PHRF1: variants seen among roughly 807,000 people sequenced by gnomAD.
PHRF1 encodes the protein PHD and RING finger domain-containing protein 1.
PHRF1 carries 53 observed loss-of-function variants against 128.9 expected under a neutral mutation model. The ratio of observed to expected loss-of-function variants is 0.41; its 90% confidence interval spans 0.33 to 0.52. The LOEUF is 0.52. Ranked by LOEUF, PHRF1 falls within the 20% of genes least tolerant of loss-of-function variation. The pLI, the probability that PHRF1 is intolerant of heterozygous loss-of-function variation, is 0.21. For missense variants in PHRF1, 2,503 were observed against 2,284.5 expected, an observed-to-expected ratio of 1.10 and a Z score of -1.95; for synonymous variants, 1,178 against 980.6, an observed-to-expected ratio of 1.20 and a Z score of -3.76.
chr11:582,937 G>C (rs1854294838), intron 3 of PHRF1, among the ~76,000 whole-genome samples: 1 of 151,920 alleles, frequency 6.6e-6, no homozygotes, highest in African/African-American at 2.4e-5. Flanking sequence ...GGAAGGCTGA[G>C]GCAGGAGAAT....
rs702966 is a variant in PHRF1 at position 611,919 on chromosome 11, C to G, written c.*142C>G. 0.16 allele frequency: 157,065 copies of G among 992,038 alleles called. 24,985 individuals are homozygous for G. Among genetic ancestry groups the G allele is most frequent in the African/African-American group, 0.49 (27,009 of 55,624 alleles). 61.5% of individuals were successfully genotyped at this position (992,038 alleles called of 1,614,324 possible). Reference sequence around the variant, plus strand: ...GAGTGGCGGGAAATGGGGGGCATCACCATGCCTGCCGTCGGGTTCCTGCGC... The same window carrying G: ...GAGTGGCGGGAAATGGGGGGCATCAGCATGCCTGCCGTCGGGTTCCTGCGC... On this transcript the variant is annotated 3_prime_UTR_variant, in exon 18 of 18. Coordinates refer to ENST00000264555, the MANE Select transcript of PHRF1 (RefSeq NM_001286581.2).
intron 10 of PHRF1, among the ~76,000 whole-genome samples, chr11:603,655 T>C (rs940506958): frequency 2.6e-5 from 4 of 151,304 alleles, no homozygotes; most frequent in Non-Finnish European, 2.9e-5. Flanking sequence ...GAATTTATAC[T>C]CAAGATTATT....
At chr11:593,160 C>G (rs758094281) in intron 6 of PHRF1, among the ~76,000 whole-genome samples, 5 of 152,250 alleles carry the variant, frequency 3.3e-5, no homozygotes, top group South Asian at 2.1e-4. Flanking sequence ...CCTGGCTTCC[C>G]GGGAGCCTGT....
chr11:598,643 A>G (rs1234055146), intron 9 of PHRF1, 141 bp downstream of exon 9: 3 of 1,323,590 alleles, frequency 2.3e-6, no homozygotes, highest in South Asian at 1.5e-5. Flanking sequence ...AACACTACAC[A>G]GAAGCCGCGC....
chr11:601,281 T>C (rs955628076), intron 9 of PHRF1, among the ~76,000 whole-genome samples: 9 of 151,868 alleles, frequency 5.9e-5, no homozygotes, highest in Admixed American at 5.9e-4. Context: ...TAAAAAAAAT[T>C]AGCTGGGCAC....
chr11:595,254 C>T (rs563898210), intron 6 of PHRF1, among the ~76,000 whole-genome samples: 48 of 152,050 alleles, frequency 3.2e-4, no homozygotes, highest in Non-Finnish European at 4.9e-4. Flanking sequence ...ACCTGGGAGG[C>T]GGAGGTTGCA....
intron 3 of PHRF1, among the ~76,000 whole-genome samples, chr11:585,075 T>A (rs1431868176): frequency 6.6e-6 from 1 of 152,142 alleles, no homozygotes; most frequent in South Asian, 2.1e-4. Flanking sequence ...AGCCAGTGGG[T>A]CCCTAACTGG....
intron 9 of PHRF1, 102 bp downstream of exon 9, chr11:598,604 C>G: frequency 6.9e-7 from 1 of 1,443,358 alleles, no homozygotes; most frequent in Non-Finnish European, 9.2e-7. Context: ...TCCATTTCTT[C>G]TTTCTGCAAG....
Position 597,538 on chromosome 11 carries a change from C to T in PHRF1, c.862C>T (p.Arg288Trp), listed in dbSNP as rs375244623. The T allele has an allele frequency of 3.1e-6, 5 of 1,611,974 alleles. No individual in the cohort carries two copies. The highest frequency in any genetic ancestry group is 2.2e-5 in the East Asian group (1 of 44,802). Residue 288 changes from arginine to tryptophan, a missense_variant, in exon 8 of 18, where the codon CGG becomes TGG. Arg to Trp is a moderately radical substitution (Grantham distance 101). Coordinates refer to ENST00000264555, the MANE Select transcript of PHRF1 (RefSeq NM_001286581.2). This position sits in a 1 kb window ranked among gnomAD's most constrained non-coding sequence, Gnocchi z 6.5. ...QSERVRATVN[R>W]NRISTARRVQ... ...TGAGAGAGTGAGAGCAACCGTGAAC[C>T]GGAACCGGATCTCCACGGCCAGGAG... is the stretch of plus-strand genomic sequence containing the variant.
At chr11:583,887 G>A (rs1754474640) in intron 3 of PHRF1, among the ~76,000 whole-genome samples, 1 of 152,186 alleles carries the variant, frequency 6.6e-6, no homozygotes, top group South Asian at 2.1e-4. Context: ...TCAGAGGGAG[G>A]CCGAGCTCAG....
chr11:605,865 G>T, intron 12 of PHRF1, 141 bp downstream of exon 12: 1 of 1,344,160 alleles, frequency 7.4e-7, no homozygotes, highest in Non-Finnish European at 9.8e-7. Flanking sequence ...ATGCTCATCA[G>T]TCGGCCCTTG....
At position 597,184 on chromosome 11, in the gene PHRF1, G is replaced by T. The variant is rs1173866416; in HGVS notation, c.718+164G>T. Among the ~76,000 whole-genome samples, 1 of 152,008 alleles carries T rather than the reference G, an allele frequency of 6.6e-6. No homozygotes were observed. The highest frequency in any genetic ancestry group is 1.5e-5 in the Non-Finnish European group (1 of 67,960). The stretch of plus-strand genomic sequence containing the variant: ...GGGAGGACATCTAGGGCTGTCTCGG[G>T]CTCGTCTTCTCGGGGATGTGTGTGG... On this transcript the variant is annotated intron_variant, in intron 7 of 17. Coordinates refer to ENST00000264555, the MANE Select transcript of PHRF1 (RefSeq NM_001286581.2). This position sits in a 1 kb window ranked among gnomAD's most constrained non-coding sequence, Gnocchi z 6.5.
At chr11:605,811 C>T (rs746821205) in intron 12 of PHRF1, 87 bp downstream of exon 12, 402 of 1,477,220 alleles carry the variant, frequency 2.7e-4, no homozygotes, top group Non-Finnish European at 3.4e-4. Flanking sequence ...GATAGCCTGG[C>T]TCTCTGTGGC....
chr11:599,694 G>A (rs1258729116), intron 9 of PHRF1, among the ~76,000 whole-genome samples: 2 of 152,216 alleles, frequency 1.3e-5, no homozygotes, highest in Non-Finnish European at 2.9e-5. Context: ...CTGTGGCCAT[G>A]TGCATCACTG....
chr11:608,254 G>T lies in PHRF1; in HGVS notation c.2798G>T (p.Arg933Leu), dbSNP rs757156844. 6.2e-7 allele frequency: 1 copy of T among 1,609,846 alleles called. No homozygotes were observed. Among genetic ancestry groups the T allele is most frequent in the Admixed American group, 1.7e-5 (1 of 59,900 alleles). ...TESQGLAARLRRPSPPEPWDE... is the reference protein window; with the variant it reads ...TESQGLAARLLRPSPPEPWDE... ...AGCCAGGGCCTGGCTGCCCGGCTGC[G>T]GAGGCCATCCCCCCCAGAGCCCTGG... The change falls in exon 14 of 18, where the codon CGG becomes CTG. Residue 933 changes from arginine (R) to leucine (L), a missense_variant. Transcript: ENST00000264555.
At chr11:594,956 C>T (rs1483180609) in intron 6 of PHRF1, among the ~76,000 whole-genome samples, 6 of 152,318 alleles carry the variant, frequency 3.9e-5, no homozygotes, top group African/African-American at 4.8e-5. Flanking sequence ...ATCAATATAA[C>T]GATTCTCATA....
Position 610,287 on chromosome 11 carries a change from G to C in PHRF1, c.4356G>C (p.Glu1452Asp), listed in dbSNP as rs754805564. 1.9e-6 allele frequency: 3 copies of C among 1,562,546 alleles called. No individual in the cohort carries two copies. Among genetic ancestry groups the C allele is most frequent in the South Asian group, 2.4e-5 (2 of 84,908 alleles). Residue 1452 changes from glutamate to aspartate, a missense_variant, in exon 15 of 18, where the codon GAG becomes GAC. Coordinates refer to ENST00000264555, the MANE Select transcript of PHRF1 (RefSeq NM_001286581.2). The part of the protein sequence containing the change: ...APTGVRQVFS[E>D]LPFPSHVLPE... ...CAGGGGTCAGGCAGGTGTTCTCCGA[G>C]CTGCCCTTTCCCAGTCACGTGCTTC...
At chr11:590,145 C>T (rs1269887468) in intron 4 of PHRF1, among the ~76,000 whole-genome samples, 1 of 151,834 alleles carries the variant, frequency 6.6e-6, no homozygotes, top group African/African-American at 2.4e-5. Flanking sequence ...AGCAGGGCTC[C>T]TCTGGGAACC....
intron 4 of PHRF1, among the ~76,000 whole-genome samples, chr11:590,077 C>T (rs1013706879): frequency 2.0e-5 from 3 of 151,030 alleles, no homozygotes; most frequent in East Asian, 2.0e-4. Flanking sequence ...GGGCATGGAG[C>T]GTGCGGGGCT....
Sources: gnomAD v4.1 joint callset for allele counts (sites outside exome capture counted in the v4.1 genomes callset) on GRCh38, gnomAD v4.1.1 for gene constraint, Gnocchi (gnomAD v3.1) non-coding constraint, MANE v1.5 for transcripts, NCBI Gene and HGNC (gene_info 2026-07-23, HGNC 2026-07-21) for gene names.